The following PCBP3 variants were observed in gnomAD, a reference collection of about 807,000 sequenced individuals.
PCBP3 encodes the protein poly(rC)-binding protein 3.
PCBP3 carries 25 observed loss-of-function variants against 52.7 expected under a neutral mutation model. That is an observed-to-expected ratio of 0.47 (90% CI 0.35 to 0.66). The LOEUF is 0.66. Ranked by LOEUF, PCBP3 falls within the 30% of genes least tolerant of loss-of-function variation. The pLI, the probability that PCBP3 is intolerant of heterozygous loss-of-function variation, is 0.01. For missense variants in PCBP3, 391 were observed against 490.3 expected, an observed-to-expected ratio of 0.80 and a Z score of 1.91; for synonymous variants, 162 against 183.0, an observed-to-expected ratio of 0.89 and a Z score of 0.93.
rs1569164417 is a variant in PCBP3, at chr21:45,735,988, TG to T, written c.-162+560del. Reference sequence around the variant, plus strand: ...TGCACTGTGGTCCCAATTCTAGTTTTGTAAAACTACCTTGAGATGACTCCTT... The same window carrying T: ...TGCACTGTGGTCCCAATTCTAGTTTTTAAAACTACCTTGAGATGACTCCTT... On this transcript the variant is annotated intron_variant, in intron 3 of 17. Coordinates refer to ENST00000681687, the MANE Select transcript of PCBP3 (RefSeq NM_001384156.1). The surrounding 1 kb of genome is among the most constrained non-coding windows in gnomAD (Gnocchi z 4.0). 6.6e-6 allele frequency among the ~76,000 whole-genome samples: 1 copy of T among 152,272 alleles called. No individual in the cohort carries two copies. Among genetic ancestry groups the T allele is most frequent in the Non-Finnish European group, 1.5e-5 (1 of 68,052 alleles).
At chr21:45,685,728 T>C (rs553539912) in intron 2 of PCBP3, among the ~76,000 whole-genome samples, 40 of 152,220 alleles carry the variant, frequency 2.6e-4, no homozygotes, top group Non-Finnish European at 3.7e-4. Flanking sequence ...GCTTAGTTAG[T>C]TGGAGATTGT....
chr21:45,852,058 T>G (rs1004340809), intron 5 of PCBP3, among the ~76,000 whole-genome samples: 1 of 152,208 alleles, frequency 6.6e-6, no homozygotes, highest in African/African-American at 2.4e-5. Context: ...TGACTATAGC[T>G]AATAATAATA....
chr21:45,694,360 T>A, intron 2 of PCBP3, among the ~76,000 whole-genome samples: 1 of 152,166 alleles, frequency 6.6e-6, no homozygotes, highest in Non-Finnish European at 1.5e-5. Flanking sequence ...TGTAGTTAGG[T>A]TGAAAGTAGA....
intron 1 of PCBP3, among the ~76,000 whole-genome samples, chr21:45,647,066 A>G (rs2079362477): frequency 6.6e-6 from 1 of 152,212 alleles, no homozygotes; most frequent in African/African-American, 2.4e-5. Context: ...TAGCAGTAAA[A>G]AAAAAACAAA....
At chr21:45,784,294 A>C (rs1483313166) in intron 4 of PCBP3, among the ~76,000 whole-genome samples, 3 of 151,582 alleles carry the variant, frequency 2.0e-5, no homozygotes, top group African/African-American at 7.3e-5. Context: ...ACCTGTGTAG[A>C]AAATTCCTGG....
chr21:45,855,573 G>A (rs1035410085), intron 5 of PCBP3, among the ~76,000 whole-genome samples: 4 of 152,198 alleles, frequency 2.6e-5, no homozygotes, highest in East Asian at 1.9e-4. Context: ...CAACCAGGCC[G>A]GTTGCCTCCT....
intron 13 of PCBP3, among the ~76,000 whole-genome samples, chr21:45,921,151 A>G (rs2074375098): frequency 6.6e-6 from 1 of 152,236 alleles, no homozygotes. Context: ...TCAGGAAGCA[A>G]TTTGTATCTG....
chr21:45,668,670 G>A (rs922032276), intron 1 of PCBP3, among the ~76,000 whole-genome samples: 1 of 152,054 alleles, frequency 6.6e-6, no homozygotes, highest in African/African-American at 2.4e-5. Flanking sequence ...TCTCCAGATT[G>A]TGGCAAGCCT....
chr21:45,903,364 C>T (rs2096116374), intron 9 of PCBP3, among the ~76,000 whole-genome samples: 2 of 152,058 alleles, frequency 1.3e-5, no homozygotes, highest in East Asian at 3.9e-4. Context: ...GGTTGCTTTT[C>T]TAGGAGAAAG....
At chr21:45,820,764 C>T (rs547071749) in intron 4 of PCBP3, among the ~76,000 whole-genome samples, 5 of 152,238 alleles carry the variant, frequency 3.3e-5, no homozygotes, top group Non-Finnish European at 7.4e-5. Context: ...GCAGGGCTGA[C>T]GTATCTGAGC....
chr21:45,799,993 C>T (rs889115141), intron 4 of PCBP3, among the ~76,000 whole-genome samples: 3 of 152,168 alleles, frequency 2.0e-5, no homozygotes, highest in Admixed American at 6.5e-5. Context: ...GGACAGCTGT[C>T]GGGGAGGGTC....
rs2084921425 is a variant in PCBP3 at position 45,724,958 on chromosome 21, A to G, written c.-199-10434A>G. Among the ~76,000 whole-genome samples the G allele has an allele frequency of 6.6e-6, 1 of 152,220 alleles. No individual in the cohort carries two copies. Among genetic ancestry groups the G allele is most frequent in the African/African-American group, 2.4e-5 (1 of 41,440 alleles). ...GATGAAAGTTACAGATAATAGCTCAAATAAACTGTTGTGAGCCGTTAAGTA... is the reference window on the plus strand; with the variant it reads ...GATGAAAGTTACAGATAATAGCTCAGATAAACTGTTGTGAGCCGTTAAGTA... On this transcript the variant is annotated intron_variant, in intron 2 of 17. Coordinates refer to ENST00000681687, the MANE Select transcript of PCBP3 (RefSeq NM_001384156.1). The surrounding 1 kb of genome is among the most constrained non-coding windows in gnomAD (Gnocchi z 5.3).
chr21:45,654,691 T>C (rs563445708), intron 1 of PCBP3, among the ~76,000 whole-genome samples: 1 of 152,304 alleles, frequency 6.6e-6, no homozygotes, highest in South Asian at 2.1e-4. Context: ...TTTTAACAAA[T>C]TCTTTCAATT....
chr21:45,731,216 A>G (rs1232765142), intron 2 of PCBP3, among the ~76,000 whole-genome samples: 3 of 152,200 alleles, frequency 2.0e-5, no homozygotes, highest in Non-Finnish European at 2.9e-5. Flanking sequence ...TTGGCCACCA[A>G]TAGTACAATG....
At position 45,805,054 on chromosome 21, in the gene PCBP3, C is replaced by T. The variant is rs1271801086; in HGVS notation, c.-125-44907C>T. Reference sequence around the variant, plus strand: ...ACCGCCTGATCCCGTGGTGATGGCACAGCCCTGCTGTGGGGAGAGCCGTGC... The same window carrying T: ...ACCGCCTGATCCCGTGGTGATGGCATAGCCCTGCTGTGGGGAGAGCCGTGC... On this transcript the variant is annotated intron_variant, in intron 4 of 17. Transcript: ENST00000681687. This position sits in a 1 kb window ranked among gnomAD's most constrained non-coding sequence, Gnocchi z 4.6. Among the ~76,000 whole-genome samples the T allele has an allele frequency of 6.6e-6, 1 of 152,186 alleles. No individual in the cohort carries two copies. The highest frequency in any genetic ancestry group is 1.5e-5 in the Non-Finnish European group (1 of 68,028).
chr21:45,806,615 A>G (rs2092510847), intron 4 of PCBP3, among the ~76,000 whole-genome samples: 1 of 151,746 alleles, frequency 6.6e-6, no homozygotes, highest in African/African-American at 2.4e-5. Context: ...AAAGGTGGGT[A>G]TTTCATCGTT....
chr21:45,805,115 CTG>C lies in PCBP3; in HGVS notation c.-125-44845_-125-44844del, dbSNP rs1417626204. 6.6e-6 allele frequency among the ~76,000 whole-genome samples: 1 copy of C among 152,204 alleles called. No homozygotes were observed. The highest frequency in any genetic ancestry group is 1.5e-5 in the Non-Finnish European group (1 of 68,032). On this transcript the variant is annotated intron_variant, in intron 4 of 17. Transcript: ENST00000681687. The surrounding 1 kb of genome is among the most constrained non-coding windows in gnomAD (Gnocchi z 4.6). The stretch of plus-strand genomic sequence containing the variant: ...CGTGTGTGGGAAGGCCTGTGCCACT[CTG>C]GGCATCGTCATCTTGGGCCATGGCT...
chr21:45,713,219 C>T (rs965094821), intron 2 of PCBP3, among the ~76,000 whole-genome samples: 10 of 152,130 alleles, frequency 6.6e-5, no homozygotes, highest in Middle Eastern at 3.2e-3. Flanking sequence ...GCTTGGTGTC[C>T]GTTTATCTTC....
intron 8 of PCBP3, among the ~76,000 whole-genome samples, 157 bp from the exon 9 acceptor site, chr21:45,900,839 TA>T (rs1168953498): frequency 6.6e-6 from 1 of 152,242 alleles, no homozygotes; most frequent in Non-Finnish European, 1.5e-5. Context: ...AATTTCATTG[TA>T]AAGGAGATTG....
Sources: allele counts gnomAD v4.1 joint callset (sites outside exome capture counted in the v4.1 genomes callset), GRCh38; gene constraint gnomAD v4.1.1; non-coding constraint Gnocchi (gnomAD v3.1); transcripts MANE v1.5; gene names NCBI Gene and HGNC (gene_info 2026-07-23, HGNC 2026-07-21).